The following ABCD4 variants were observed in gnomAD, a reference collection of about 807,000 sequenced individuals.
The protein encoded by ABCD4 is lysosomal cobalamin transporter ABCD4.
In ABCD4, 53 loss-of-function variants were observed where a neutral mutation model predicts 86.3. The observed-to-expected ratio is 0.61, with a 90% CI of 0.49 to 0.77. ABCD4 has a LOEUF of 0.77. Among genes scored for constraint, ABCD4 ranks in the 30% least tolerant of loss-of-function variants. The pLI is 0.00. For missense variants in ABCD4, 757 were observed against 764.5 expected (o/e 0.99, Z 0.12); for synonymous variants, 328 against 313.6 (o/e 1.05, Z -0.49).
At chr14:74,292,175 C>T (rs2081672377) in intron 11 of ABCD4, 112 bp downstream of exon 11, 1 of 948,188 alleles carries the variant, frequency 1.1e-6, no homozygotes, top group African/African-American at 1.6e-5. Context: ...TTTCCATTTA[C>T]TCCTTACAAC....
intron 7 of ABCD4, 126 bp downstream of exon 7, chr14:74,295,022 G>T (rs1029593224): frequency 8.4e-7 from 1 of 1,184,720 alleles, no homozygotes; most frequent in Non-Finnish European, 1.2e-6. Flanking sequence ...GAGGGAGAGG[G>T]TCACAGCCAA....
chr14:74,290,387 T>C lies in ABCD4; in HGVS notation c.1231A>G (p.Ile411Val). Reference protein sequence around the residue: ...KPLIKDLSLKISEGQSLLITG... With the variant: ...KPLIKDLSLKVSEGQSLLITG... Reference sequence around the variant, plus strand: ...ATGAGCAGGCTCTGTCCCTCGGAGATCTTTAGGCTCAGATCCTTGATTAGG... The same window carrying C: ...ATGAGCAGGCTCTGTCCCTCGGAGACCTTTAGGCTCAGATCCTTGATTAGG... The change falls in exon 12 of 19, where the codon ATC (isoleucine) becomes GTC (valine). Residue 411 changes from isoleucine to valine, a missense_variant. Coordinates refer to ENST00000356924, the MANE Select transcript of ABCD4 (RefSeq NM_005050.4). 1 of 1,613,912 alleles carries C rather than the reference T, an allele frequency of 6.2e-7. No individual in the cohort carries two copies. The highest frequency in any genetic ancestry group is 8.5e-7 in the Non-Finnish European group (1 of 1,180,006).
chr14:74,295,575 G>A (rs761731511), intron 6 of ABCD4, among the ~76,000 whole-genome samples: 3 of 152,236 alleles, frequency 2.0e-5, no homozygotes, highest in Non-Finnish European at 4.4e-5. Context: ...CAGTGAGAAG[G>A]CCAAGAGATG....
intron 1 of ABCD4, among the ~76,000 whole-genome samples, chr14:74,301,530 A>T (rs927987407): frequency 1.1e-4 from 17 of 152,192 alleles, no homozygotes; most frequent in African/African-American, 4.1e-4. Context: ...AGAAGTGGGA[A>T]GGGATATAAA....
chr14:74,302,921 A>G lies in ABCD4; in HGVS notation c.-9T>C. 1 of 1,606,960 alleles carries G rather than the reference A, an allele frequency of 6.2e-7. No homozygotes were observed. The highest frequency in any genetic ancestry group is 2.3e-5 in the East Asian group (1 of 44,004). Reference sequence around the variant, plus strand: ...GGCCCCGCGACCGCCATGACCTGAGACCCGAGGGACTCTGGAGCCCAGCTG... The same window carrying G: ...GGCCCCGCGACCGCCATGACCTGAGGCCCGAGGGACTCTGGAGCCCAGCTG... On this transcript the variant is annotated 5_prime_UTR_variant, in exon 1 of 19. Coordinates refer to ENST00000356924, the MANE Select transcript of ABCD4 (RefSeq NM_005050.4).
intron 7 of ABCD4, chr14:74,293,630 G>C (rs566135880): frequency 6.0e-6 from 1 of 165,980 alleles, no homozygotes; most frequent in African/African-American, 2.4e-5. Context: ...AGCACATAAG[G>C]AGCCCTCAAT....
Position 74,286,639 on chromosome 14 carries a change from C to T in ABCD4, c.1752+62G>A. ...TCCCCGTTTTGAGGGGCCTCTGGCC[C>T]TGGCCAGGCTGAGCCTTTGGGTTCT... On this transcript the variant is annotated intron_variant, in intron 18 of 18. Coordinates refer to ENST00000356924, the MANE Select transcript of ABCD4 (RefSeq NM_005050.4). 3 of 1,612,860 alleles carry T rather than the reference C, an allele frequency of 1.9e-6. No homozygotes were observed. In the East Asian group the frequency reaches 6.7e-5, roughly 36 times the overall value.
In ABCD4 at chr14:74,290,410, A is replaced by C; in HGVS notation, c.1208T>G (p.Leu403Arg). 6.2e-7 allele frequency: 1 copy of C among 1,614,112 alleles called. No individual in the cohort carries two copies. Among genetic ancestry groups the C allele is most frequent in the Non-Finnish European group, 8.5e-7 (1 of 1,180,028 alleles). The change falls in exon 12 of 19, where the codon CTA becomes CGA. Residue 403 changes from leucine to arginine, a missense_variant. Leu to Arg is a moderately radical substitution (Grantham distance 102). Coordinates refer to ENST00000356924, the MANE Select transcript of ABCD4 (RefSeq NM_005050.4). ...SISAPSSDKPLIKDLSLKISE... is the reference protein window; with the variant it reads ...SISAPSSDKPRIKDLSLKISE... ...GATCTTTAGGCTCAGATCCTTGATT[A>C]GGGGTTTGTCAGAGGAGGGGGCAGA... is the stretch of plus-strand genomic sequence containing the variant.
At position 74,285,691 on chromosome 14, in the gene ABCD4, T is replaced by G. The variant is rs1475474403; in HGVS notation, c.*770A>C. On this transcript the variant is annotated 3_prime_UTR_variant, in exon 19 of 19. Transcript: ENST00000356924. The stretch of plus-strand genomic sequence containing the variant: ...TTCTGGGTTTTGTCTAATTTGCTGT[T>G]GTTGTTCCCTAATATAGACTATTTT... 6.6e-6 allele frequency: 1 copy of G among 152,196 alleles called. No individual in the cohort carries two copies. The highest frequency in any genetic ancestry group is 1.5e-5 in the Non-Finnish European group (1 of 68,032). The allele number at this position is 152,196 out of a possible 1,614,324, so 9.4% of individuals were successfully genotyped here. A position where few individuals can be genotyped will look rare whatever the true frequency, so the allele number is the denominator to read the frequency against.
At chr14:74,300,883 T>C (rs2084262865) in intron 1 of ABCD4, among the ~76,000 whole-genome samples, 1 of 152,098 alleles carries the variant, frequency 6.6e-6, no homozygotes, top group African/African-American at 2.4e-5. Flanking sequence ...AGACGGAGTT[T>C]TGCTCGTTGC....
At chr14:74,294,665 G>T in intron 7 of ABCD4, 1 of 161,078 alleles carries the variant, frequency 6.2e-6, no homozygotes, top group Non-Finnish European at 1.4e-5. Context: ...CGCTGCTGCT[G>T]CTCCTGCTGC....
chr14:74,289,624 G>A (rs917961647), intron 13 of ABCD4, 105 bp from the exon 14 acceptor site: 9 of 1,536,144 alleles, frequency 5.9e-6, no homozygotes, highest in South Asian at 4.9e-5. Context: ...CCAAGGAGGA[G>A]AGGTGGGAAC....
Position 74,293,388 on chromosome 14 carries a change from G to A in ABCD4, c.720-140C>T, listed in dbSNP as rs527518336. 1.2e-4 allele frequency: 80 copies of A among 671,228 alleles called. 1 individual carries two copies. Among genetic ancestry groups the A allele is most frequent in the South Asian group, 1.8e-4 (9 of 49,046 alleles). 41.6% of individuals were successfully genotyped at this position (671,228 alleles called of 1,614,324 possible). A position where few individuals can be genotyped will look rare whatever the true frequency, so the allele number is the denominator to read the frequency against. Reference sequence around the variant, plus strand: ...GTCTCAGGATCTGTCTACTGGTAGCGCCCATTCACGGCTTCAGTCATGCCT... The same window carrying A: ...GTCTCAGGATCTGTCTACTGGTAGCACCCATTCACGGCTTCAGTCATGCCT... On this transcript the variant is annotated intron_variant, in intron 7 of 18. Transcript: ENST00000356924.
intron 13 of ABCD4, 78 bp from the exon 14 acceptor site, chr14:74,289,597 G>T: frequency 6.4e-7 from 1 of 1,567,994 alleles, no homozygotes; most frequent in South Asian, 1.2e-5. Context: ...CCTCCCTCCA[G>T]AACCCACTGG....
Position 74,299,606 on chromosome 14 carries a change from A to G in ABCD4, c.227T>C (p.Leu76Ser), listed in dbSNP as rs776922749. 2.5e-6 allele frequency: 4 copies of G among 1,613,884 alleles called. No homozygotes were observed. In the Admixed American group the frequency reaches 5.0e-5, roughly 20 times the overall value. ...QYYGVLGNKD[L>S]EGFKTLTFLA... The stretch of plus-strand genomic sequence containing the variant: ...GAATGTCAGAGTCTTAAACCCTTCC[A>G]AGTCTTTGTTTCCCAGGACCCCATA... The change falls in exon 3 of 19, where the codon TTG (leucine) becomes TCG (serine). Residue 76 changes from leucine to serine, a missense_variant. Leu to Ser is a moderately radical substitution (Grantham distance 145). Transcript: ENST00000356924.
chr14:74,298,549 G>C (rs2083476369), intron 3 of ABCD4, among the ~76,000 whole-genome samples: 1 of 152,324 alleles, frequency 6.6e-6, no homozygotes, highest in East Asian at 1.9e-4. Context: ...GGGATTACAG[G>C]CGTGAGCCAC....
intron 15 of ABCD4, 55 bp from the exon 16 acceptor site, chr14:74,288,314 C>A: frequency 6.5e-7 from 1 of 1,544,964 alleles, no homozygotes; most frequent in Non-Finnish European, 8.8e-7. Flanking sequence ...CTGCTACCTG[C>A]CATCATGGGG....
intron 11 of ABCD4, among the ~76,000 whole-genome samples, chr14:74,291,047 T>C (rs2081358624): frequency 6.6e-6 from 1 of 152,014 alleles, no homozygotes; most frequent in East Asian, 1.9e-4. Context: ...ATGACTGGTG[T>C]CCTCTTAAGA....
At position 74,299,510 on chromosome 14, in the gene ABCD4, G is replaced by A. The variant is rs144395998; in HGVS notation, c.285+38C>T. On this transcript the variant is annotated intron_variant, in intron 3 of 18. Transcript: ENST00000356924. ...TAGGCATTACGGTCACACTGGACTG[G>A]AGAGGACGAGAGACACAGAGAGAGG... is the stretch of plus-strand genomic sequence containing the variant. The A allele has an allele frequency of 2.5e-5, 41 of 1,609,738 alleles. No individual in the cohort carries two copies. In the East Asian group the frequency reaches 8.1e-4, roughly 32 times the overall value.
Sources: gnomAD v4.1 joint callset for allele counts (sites outside exome capture counted in the v4.1 genomes callset) on GRCh38, gnomAD v4.1.1 for gene constraint, MANE v1.5 for transcripts, NCBI Gene and HGNC (gene_info 2026-07-23, HGNC 2026-07-21) for gene names.